The following NTM variants were observed in gnomAD, a reference collection of about 807,000 sequenced individuals.
NTM encodes the protein neurotrimin, also known as IgLON family member 2.
NTM carries 13 observed loss-of-function variants against 42.1 expected under a neutral mutation model. That is an observed-to-expected ratio of 0.31 (90% CI 0.20 to 0.49). The LOEUF is 0.49. Ranked by LOEUF, NTM falls within the 20% of genes least tolerant of loss-of-function variation. The pLI, the probability that NTM is intolerant of heterozygous loss-of-function variation, is 0.99. For missense variants in NTM, 373 were observed against 452.8 expected (o/e 0.82, Z 1.60); for synonymous variants, 187 against 179.2 (o/e 1.04, Z -0.35).
At chr11:132,330,036 G>A in intron 7 of NTM, 117 bp from the exon 8 acceptor site, 1 of 1,486,320 alleles carries the variant, frequency 6.7e-7, no homozygotes, top group South Asian at 1.3e-5. Context: ...TGGGCAAGAG[G>A]CGCAGGGACG....
chr11:132,043,714 A>G (rs1003460592), intron 2 of NTM, among the ~76,000 whole-genome samples: 1 of 152,230 alleles, frequency 6.6e-6, no homozygotes, highest in Non-Finnish European at 1.5e-5. Flanking sequence ...AACAAGCCAC[A>G]GCATCAGGCT....
At chr11:131,850,104 A>T (rs112201170) in intron 1 of NTM, among the ~76,000 whole-genome samples, 1 of 152,154 alleles carries the variant, frequency 6.6e-6, no homozygotes, top group African/African-American at 2.4e-5. Context: ...TTGCTTGCTA[A>T]TATTAGTGTA....
chr11:131,533,313 G>T (rs2051588118), intron 1 of NTM, among the ~76,000 whole-genome samples: 1 of 152,192 alleles, frequency 6.6e-6, no homozygotes, highest in Non-Finnish European at 1.5e-5. Flanking sequence ...ACACCCACAT[G>T]TTCCTAGTAA....
chr11:131,445,233 C>T (rs777640695), intron 1 of NTM, among the ~76,000 whole-genome samples: 6 of 152,204 alleles, frequency 3.9e-5, no homozygotes, highest in Admixed American at 6.5e-5. Flanking sequence ...TTTGTATCTC[C>T]GTACACTGCC....
chr11:132,063,399 A>G (rs1462678059), intron 2 of NTM, among the ~76,000 whole-genome samples: 1 of 152,206 alleles, frequency 6.6e-6, no homozygotes, highest in East Asian at 1.9e-4. Flanking sequence ...ATAATCCCAC[A>G]AAGCTGGAAA....
At chr11:131,435,228 C>A (rs1300616893) in intron 1 of NTM, among the ~76,000 whole-genome samples, 1 of 152,172 alleles carries the variant, frequency 6.6e-6, no homozygotes, top group Non-Finnish European at 1.5e-5. Flanking sequence ...TAGTGTGATG[C>A]CTCCAGCTTT....
At chr11:131,417,107 G>T (rs1016368232) in intron 1 of NTM, among the ~76,000 whole-genome samples, 5 of 152,128 alleles carry the variant, frequency 3.3e-5, no homozygotes, top group Non-Finnish European at 7.3e-5. Flanking sequence ...TAAACTCTCA[G>T]ATCTTTCCAT....
At chr11:132,149,617 G>C (rs2071407334) in intron 3 of NTM, among the ~76,000 whole-genome samples, 2 of 152,170 alleles carry the variant, frequency 1.3e-5, no homozygotes, top group South Asian at 4.1e-4. Context: ...CTACCCCCTA[G>C]TTCTCTGTAC....
chr11:132,106,480 GCAGCTCCATGTGGAGAAGCCACGTGAC>G (rs1203323151), intron 2 of NTM, among the ~76,000 whole-genome samples: 6 of 152,230 alleles, frequency 3.9e-5, no homozygotes, highest in African/African-American at 1.2e-4. Flanking sequence ...AAGCAATTAA[GCAGCTCCATGTGGAGAAGCCACGTGAC>G]CACGCCAAAG....
At chr11:131,449,345 G>A (rs1339646673) in intron 1 of NTM, among the ~76,000 whole-genome samples, 1 of 152,152 alleles carries the variant, frequency 6.6e-6, no homozygotes, top group Non-Finnish European at 1.5e-5. Context: ...TGGAGGTGGG[G>A]GCTTACATTC....
At chr11:131,523,410 G>A (rs1228925626) in intron 1 of NTM, among the ~76,000 whole-genome samples, 2 of 152,188 alleles carry the variant, frequency 1.3e-5, no homozygotes, top group Admixed American at 6.5e-5. Context: ...GGTAAAGATA[G>A]CAGTCAGAAT....
intron 1 of NTM, among the ~76,000 whole-genome samples, chr11:131,839,174 C>G (rs1047207991): frequency 3.3e-5 from 5 of 152,082 alleles, no homozygotes; most frequent in Non-Finnish European, 7.4e-5. Context: ...GTTGGCCAGA[C>G]TGGTCTCGAA....
At chr11:132,331,839 G>A (rs771147515) in intron 8 of NTM, among the ~76,000 whole-genome samples, 25 of 152,192 alleles carry the variant, frequency 1.6e-4, no homozygotes, top group South Asian at 2.1e-4. Flanking sequence ...TATTTCGGAC[G>A]GAGGGGAGAG....
At chr11:131,788,434 T>A (rs2089625823) in intron 1 of NTM, among the ~76,000 whole-genome samples, 1 of 152,182 alleles carries the variant, frequency 6.6e-6, no homozygotes, top group African/African-American at 2.4e-5. Flanking sequence ...CTCTCTTTTG[T>A]ATTTTTATTT....
intron 4 of NTM, among the ~76,000 whole-genome samples, chr11:132,283,018 C>T (rs1434461816): frequency 4.6e-5 from 5 of 107,956 alleles, no homozygotes; most frequent in African/African-American, 9.6e-5. Flanking sequence ...GACAGAGTCT[C>T]GCTCTGTCTC....
chr11:131,712,758 A>AT (rs985753308), intron 1 of NTM, among the ~76,000 whole-genome samples: 17 of 151,988 alleles, frequency 1.1e-4, no homozygotes, highest in African/African-American at 3.4e-4. Flanking sequence ...TAATTTTTGT[A>AT]TTTTTTGTAG....
intron 2 of NTM, among the ~76,000 whole-genome samples, chr11:131,942,740 G>A (rs922868102): frequency 6.6e-6 from 1 of 152,034 alleles, no homozygotes; most frequent in Admixed American, 6.6e-5. Flanking sequence ...GAGGTCAGGA[G>A]TTTGAGACCA....
At chr11:131,434,744 A>G (rs145221659) in intron 1 of NTM, among the ~76,000 whole-genome samples, 3,111 of 152,202 alleles carry the variant, frequency 0.02, 110 homozygotes, top group African/African-American at 0.07. Context: ...TAGGTTGCCT[A>G]TTCACTCTGA....
intron 1 of NTM, among the ~76,000 whole-genome samples, chr11:131,373,339 AAGCTGGTTCTTCCTAG>A (rs773216299): frequency 3.3e-5 from 5 of 152,054 alleles, no homozygotes; most frequent in Non-Finnish European, 7.4e-5. Flanking sequence ...TTTTTGTTTT[AAGCTGGTTCTTCCTAG>A]AGCTGCTGCT....
Sources: gnomAD v4.1 joint callset for allele counts (sites outside exome capture counted in the v4.1 genomes callset) on GRCh38, gnomAD v4.1.1 for gene constraint, MANE v1.5 for transcripts, NCBI Gene and HGNC (gene_info 2026-07-23, HGNC 2026-07-21) for gene names.